TYR: variants seen among roughly 807,000 people sequenced by gnomAD.
TYR encodes tyrosinase.
In TYR, 58 loss-of-function variants were observed where a neutral mutation model predicts 51.5. The ratio of observed to expected loss-of-function variants is 1.13; its 90% confidence interval spans 0.91 to 1.40. The LOEUF (loss-of-function observed/expected upper bound fraction) is 1.40. Among genes scored for constraint, TYR ranks in the 40% most tolerant of loss-of-function variants. TYR has a pLI of 0.00. For missense variants in TYR, 732 were observed against 647.4 expected, an observed-to-expected ratio of 1.13 and a Z score of -1.42; for synonymous variants, 263 against 235.2, an observed-to-expected ratio of 1.12 and a Z score of -1.08.
intron 3 of TYR, among the ~76,000 whole-genome samples, chr11:89,256,653 G>A (rs981506761): frequency 6.6e-6 from 1 of 151,876 alleles, no homozygotes; most frequent in African/African-American, 2.4e-5. Flanking sequence ...CTAGAGATAG[G>A]CATTGGAGGA....
intron 2 of TYR, among the ~76,000 whole-genome samples, chr11:89,195,524 C>G (rs542816957): frequency 6.6e-6 from 1 of 151,998 alleles, no homozygotes; most frequent in South Asian, 2.1e-4. Context: ...ACTAAAAATA[C>G]AAAAATTAGC....
At chr11:89,253,363 T>A (rs1944352154) in intron 3 of TYR, among the ~76,000 whole-genome samples, 1 of 151,706 alleles carries the variant, frequency 6.6e-6, no homozygotes, top group South Asian at 2.1e-4. Flanking sequence ...CGTTTCCAGG[T>A]AACACACAGC....
At chr11:89,222,847 T>C (rs958261189) in intron 2 of TYR, among the ~76,000 whole-genome samples, 14 of 152,194 alleles carry the variant, frequency 9.2e-5, no homozygotes, top group Admixed American at 5.9e-4. Context: ...GGGGAACTCT[T>C]ACTGCCTTTC....
At chr11:89,188,371 C>A (rs886234606) in intron 1 of TYR, among the ~76,000 whole-genome samples, 5 of 151,942 alleles carry the variant, frequency 3.3e-5, no homozygotes, top group Admixed American at 3.3e-4. Flanking sequence ...GTTTGAAAAG[C>A]AGCAACAATA....
At chr11:89,234,935 G>A (rs1253837117) in intron 3 of TYR, among the ~76,000 whole-genome samples, 1 of 151,112 alleles carries the variant, frequency 6.6e-6, no homozygotes, top group Non-Finnish European at 1.5e-5. Flanking sequence ...AACACCAGGA[G>A]TAGATTCCAT....
In TYR at chr11:89,227,918, C is replaced by A; in HGVS notation, c.1132C>A (p.Gln378Lys). The A allele has an allele frequency of 3.1e-6, 5 of 1,613,566 alleles. No individual in the cohort carries two copies. The highest frequency in any genetic ancestry group is 1.6e-4 in the Middle Eastern group (1 of 6,062). ...IYMNGTMSQV[Q>K]GSANDPIFLL... Reference sequence around the variant, plus strand: ...TATGAATGGAACAATGTCCCAGGTACAGGGATCTGCCAACGATCCTATCTT... The same window carrying A: ...TATGAATGGAACAATGTCCCAGGTAAAGGGATCTGCCAACGATCCTATCTT... The change falls in exon 3 of 5, where the codon CAG becomes AAG. Residue 378 changes from glutamine (Q) to lysine (K), a missense_variant. Coordinates refer to ENST00000263321, the MANE Select transcript of TYR (RefSeq NM_000372.5).
At chr11:89,286,031 T>C (rs1342841582) in intron 4 of TYR, among the ~76,000 whole-genome samples, 1 of 151,900 alleles carries the variant, frequency 6.6e-6, no homozygotes, top group African/African-American at 2.4e-5. Context: ...CATAGTTTCA[T>C]ACCTGAAGAA....
intron 3 of TYR, among the ~76,000 whole-genome samples, chr11:89,259,078 G>C (rs1049251867): frequency 6.6e-6 from 1 of 151,980 alleles, no homozygotes; most frequent in African/African-American, 2.4e-5. Context: ...TGAATTAACA[G>C]ATATGGAAGT....
At chr11:89,187,426 T>C (rs1943388597) in intron 1 of TYR, among the ~76,000 whole-genome samples, 2 of 152,174 alleles carry the variant, frequency 1.3e-5, no homozygotes, top group African/African-American at 4.8e-5. Context: ...CTGTGCCTAA[T>C]GCTATCTTAA....
At chr11:89,202,970 C>G in intron 2 of TYR, among the ~76,000 whole-genome samples, 1 of 152,100 alleles carries the variant, frequency 6.6e-6, no homozygotes, top group East Asian at 1.9e-4. Context: ...GGCCTGTTTT[C>G]AATTTGCAAG....
chr11:89,202,427 T>TA (rs1234497911), intron 2 of TYR, among the ~76,000 whole-genome samples: 1 of 152,006 alleles, frequency 6.6e-6, no homozygotes, highest in African/African-American at 2.4e-5. Flanking sequence ...GTTTTTTTTT[T>TA]ATAGTAAATA....
rs972419849 is a variant in TYR, at chr11:89,274,338, G to A, written c.1185-10435G>A. ...AAATTTGCCTATGTCTATACCATAG[G>A]CATACCAATTTCTTGAAAGAAAAGC... On this transcript the variant is annotated intron_variant, in intron 3 of 4. Transcript: ENST00000263321. Among the ~76,000 whole-genome samples, 9 of 151,852 alleles carry A rather than the reference G, an allele frequency of 5.9e-5. No homozygotes were observed. In the East Asian group the frequency reaches 1.6e-3, roughly 26 times the overall value.
intron 1 of TYR, among the ~76,000 whole-genome samples, chr11:89,190,977 A>G (rs1370509962): frequency 6.6e-6 from 1 of 152,146 alleles, no homozygotes; most frequent in Non-Finnish European, 1.5e-5. Context: ...AGTAGGCTAT[A>G]CCATTCTAGG....
intron 2 of TYR, among the ~76,000 whole-genome samples, chr11:89,215,343 G>A (rs2135272526): frequency 7.1e-6 from 1 of 140,320 alleles, no homozygotes; most frequent in South Asian, 2.4e-4. Context: ...AGAACACATG[G>A]ACACAGGATG....
chr11:89,256,487 ATATG>A (rs1944393421), intron 3 of TYR, among the ~76,000 whole-genome samples: 1 of 150,710 alleles, frequency 6.6e-6, no homozygotes, highest in Admixed American at 6.6e-5. Flanking sequence ...GTGTGTGTGT[ATATG>A]TGTGTGTTCA....
At chr11:89,184,706 T>C (rs1302274212) in intron 1 of TYR, among the ~76,000 whole-genome samples, 1 of 152,180 alleles carries the variant, frequency 6.6e-6, no homozygotes, top group Non-Finnish European at 1.5e-5. Flanking sequence ...TATGTCATAG[T>C]ACAGTTTAAA....
At chr11:89,257,587 A>G (rs1293831383) in intron 3 of TYR, among the ~76,000 whole-genome samples, 1 of 152,074 alleles carries the variant, frequency 6.6e-6, no homozygotes, top group Non-Finnish European at 1.5e-5. Flanking sequence ...ATGAAATGTT[A>G]ATATATAAAA....
intron 2 of TYR, among the ~76,000 whole-genome samples, chr11:89,221,961 G>T (rs1005303866): frequency 2.0e-5 from 3 of 152,128 alleles, no homozygotes; most frequent in Admixed American, 2.0e-4. Flanking sequence ...GGAAAGATAC[G>T]GAATTATATG....
At chr11:89,277,721 G>A (rs1485220104) in intron 3 of TYR, among the ~76,000 whole-genome samples, 1 of 151,628 alleles carries the variant, frequency 6.6e-6, no homozygotes, top group African/African-American at 2.4e-5. Flanking sequence ...AGCCAGAAAA[G>A]TAGGCATTTT....
Sources: gnomAD v4.1 joint callset for allele counts (sites outside exome capture counted in the v4.1 genomes callset) on GRCh38, gnomAD v4.1.1 for gene constraint, MANE v1.5 for transcripts, NCBI Gene and HGNC (gene_info 2026-07-23, HGNC 2026-07-21) for gene names.